PTPRK: variants seen among roughly 807,000 people sequenced by gnomAD.
PTPRK encodes receptor-type tyrosine-protein phosphatase kappa.
Under a neutral mutation model 178.0 loss-of-function variants are expected in PTPRK, and 75 were observed. That is an observed-to-expected ratio of 0.42 (90% CI 0.35 to 0.51). The LOEUF (loss-of-function observed/expected upper bound fraction) is 0.51, where lower values mean the gene tolerates loss of function less well. Ranked by LOEUF, PTPRK falls within the 20% of genes least tolerant of loss-of-function variation. PTPRK has a pLI of 0.02. For synonymous variants in PTPRK, 637 were observed against 620.6 expected, an observed-to-expected ratio of 1.03 and a Z score of -0.39; for missense variants, 1,441 against 1,797.8, an observed-to-expected ratio of 0.80 and a Z score of 3.59.
chr6:128,358,395 A>T (rs532955593), intron 2 of PTPRK, among the ~76,000 whole-genome samples: 2 of 152,334 alleles, frequency 1.3e-5, no homozygotes, highest in South Asian at 4.1e-4. Context: ...GAAGAGTTCA[A>T]TACCTGCTAC....
chr6:128,333,076 C>T (rs1037799518), intron 2 of PTPRK, among the ~76,000 whole-genome samples: 1 of 152,126 alleles, frequency 6.6e-6, no homozygotes, highest in Non-Finnish European at 1.5e-5. Flanking sequence ...AGTAACATGA[C>T]CCAAAAGGCA....
At chr6:128,228,616 C>T (rs1157946690) in intron 5 of PTPRK, among the ~76,000 whole-genome samples, 6 of 147,638 alleles carry the variant, frequency 4.1e-5, no homozygotes, top group Non-Finnish European at 7.4e-5. Context: ...GCGGAGATCG[C>T]GCCACTACAC....
chr6:127,996,985 A>C lies in PTPRK; in HGVS notation c.2683T>G (p.Phe895Val). ...SYGFKEEYESFFEGQSASWDV... is the reference protein window; with the variant it reads ...SYGFKEEYESVFEGQSASWDV... ...CAAGATGCTGACTGTCCTTCAAAAAAGCTCTGGGAAAACAAAACGAATAAG... is the reference window on the plus strand; with the variant it reads ...CAAGATGCTGACTGTCCTTCAAAAACGCTCTGGGAAAACAAAACGAATAAG... Residue 895 changes from phenylalanine to valine, a missense_variant, in exon 17 of 30, where the codon TTT becomes GTT. By Grantham distance (50) the Phe-to-Val change is conservative (BLOSUM62 -1). Around this residue, in one of 4 missense-constraint regions of PTPRK, gnomAD observed 945 missense variants for 1,080.6 expected, o/e 0.87. Coordinates refer to ENST00000368226, the MANE Select transcript of PTPRK (RefSeq NM_002844.4). The C allele has an allele frequency of 1.2e-6, 2 of 1,611,214 alleles. No individual in the cohort carries two copies. Among genetic ancestry groups the C allele is most frequent in the South Asian group, 2.2e-5 (2 of 90,748 alleles).
At chr6:128,190,390 T>G (rs1803558419) in intron 6 of PTPRK, among the ~76,000 whole-genome samples, 1 of 151,996 alleles carries the variant, frequency 6.6e-6, no homozygotes, top group Non-Finnish European at 1.5e-5. Flanking sequence ...TCTAAATTAC[T>G]ATTAAGTTTT....
chr6:127,995,653 TA>T, intron 17 of PTPRK, 115 bp from the exon 18 acceptor site: 1 of 593,662 alleles, frequency 1.7e-6, no homozygotes, highest in Non-Finnish European at 2.9e-6. Flanking sequence ...CATAGTATAC[TA>T]CTACCAAATC....
At chr6:128,215,834 T>C (rs1272612080) in intron 6 of PTPRK, among the ~76,000 whole-genome samples, 4 of 152,094 alleles carry the variant, frequency 2.6e-5, no homozygotes, top group African/African-American at 9.7e-5. Context: ...TCCTTTAAAA[T>C]TACCATCTTT....
intron 11 of PTPRK, among the ~76,000 whole-genome samples, chr6:128,068,620 A>AT (rs1416168484): frequency 1.3e-5 from 2 of 151,990 alleles, no homozygotes; most frequent in African/African-American, 4.8e-5. Flanking sequence ...ATCTAACAAT[A>AT]TTTTTTAACA....
At chr6:128,470,511 G>A (rs1395349150) in intron 1 of PTPRK, among the ~76,000 whole-genome samples, 1 of 151,792 alleles carries the variant, frequency 6.6e-6, no homozygotes, top group African/African-American at 2.4e-5. Context: ...CAAAGTCTCT[G>A]CTTTACTATA....
intron 3 of PTPRK, among the ~76,000 whole-genome samples, chr6:128,256,082 C>G (rs1266385717): frequency 6.6e-6 from 1 of 152,166 alleles, no homozygotes; most frequent in Non-Finnish European, 1.5e-5. Context: ...GGACTAATAT[C>G]TGACAGAAAG....
At chr6:128,511,503 G>T (rs906648458) in intron 1 of PTPRK, among the ~76,000 whole-genome samples, 4 of 152,182 alleles carry the variant, frequency 2.6e-5, no homozygotes, top group Non-Finnish European at 4.4e-5. Flanking sequence ...CTGGGATCTT[G>T]TTCGGTGGGA....
intron 15 of PTPRK, among the ~76,000 whole-genome samples, chr6:127,999,439 T>G (rs1176594236): frequency 6.6e-6 from 1 of 152,092 alleles, no homozygotes; most frequent in African/African-American, 2.4e-5. Flanking sequence ...GCATTCCACA[T>G]GATCACCCCC....
intron 1 of PTPRK, among the ~76,000 whole-genome samples, chr6:128,423,855 A>C (rs1843774250): frequency 6.6e-6 from 1 of 151,990 alleles, no homozygotes; most frequent in Admixed American, 6.6e-5. Context: ...AATACAGTAC[A>C]TAAAAAATAA....
rs1264986386 is a variant in PTPRK, at chr6:128,074,721, C to T, written c.1883+4092G>A. Among the ~76,000 whole-genome samples, 8 of 152,110 alleles carry T rather than the reference C, an allele frequency of 5.3e-5. No homozygotes were observed. In the East Asian group the frequency reaches 7.7e-4, roughly 15 times the overall value. Reference sequence around the variant, plus strand: ...AGAACCACACTTGCCAGCACTGCATCGCACATGTTCTACATTAGCATAGGG... The same window carrying T: ...AGAACCACACTTGCCAGCACTGCATTGCACATGTTCTACATTAGCATAGGG... On this transcript the variant is annotated intron_variant, in intron 11 of 29. Transcript: ENST00000368226.
rs1775908640 is a variant in PTPRK, at chr6:127,985,805, T to G, written c.3167A>C (p.Tyr1056Ser). ...FTGWPDHGVPYHATGLLSFIR... is the reference protein window; with the variant it reads ...FTGWPDHGVPSHATGLLSFIR... ...AAAGGAAAGCAGCCCTGTAGCATGG[T>G]AGGGCACTCCATGGTCAGGCCAGCC... The change falls in exon 22 of 30, where the codon TAC becomes TCC. Residue 1056 changes from tyrosine to serine, a missense_variant. Physicochemically the swap from Tyr to Ser is moderately radical, Grantham distance 144. Transcript: ENST00000368226. 1.9e-6 allele frequency: 3 copies of G among 1,613,916 alleles called. No individual in the cohort carries two copies. The highest frequency in any genetic ancestry group is 1.7e-5 in the Admixed American group (1 of 60,008).
chr6:127,989,895 T>C (rs1045085756), intron 21 of PTPRK, among the ~76,000 whole-genome samples: 2 of 152,092 alleles, frequency 1.3e-5, no homozygotes, highest in Admixed American at 6.6e-5. Flanking sequence ...TCTGTCTGTA[T>C]GTACCTTTGA....
At chr6:128,242,635 A>G (rs1188906272) in intron 3 of PTPRK, 33 bp from the exon 4 acceptor site, 31 of 1,604,642 alleles carry the variant, frequency 1.9e-5, no homozygotes, top group Non-Finnish European at 2.5e-5. Flanking sequence ...ATTTACAACA[A>G]TAGTTTTCAA....
intron 1 of PTPRK, among the ~76,000 whole-genome samples, chr6:128,457,381 CA>C: frequency 6.6e-6 from 1 of 152,190 alleles, no homozygotes; most frequent in East Asian, 1.9e-4. Context: ...TCAGATTTGA[CA>C]AAAGCAAACC....
chr6:128,425,925 T>C (rs1466573864), intron 1 of PTPRK, among the ~76,000 whole-genome samples: 1 of 152,234 alleles, frequency 6.6e-6, no homozygotes. Flanking sequence ...GGTTTCATAA[T>C]TAAATAAACT....
At chr6:128,077,204 C>G (rs1783984764) in intron 11 of PTPRK, among the ~76,000 whole-genome samples, 2 of 151,958 alleles carry the variant, frequency 1.3e-5, no homozygotes, top group African/African-American at 4.8e-5. Context: ...GTGAATGACC[C>G]TGATTACTTG....
Sources: allele counts gnomAD v4.1 joint callset (sites outside exome capture counted in the v4.1 genomes callset), GRCh38; gene constraint gnomAD v4.1.1; regional missense constraint gnomAD v4.1.1; transcripts MANE v1.5; gene names NCBI Gene and HGNC (gene_info 2026-07-23, HGNC 2026-07-21).